Variants in MIS18A observed in about 807,000 individuals in gnomAD.
The protein encoded by MIS18A is MIS18 kinetochore protein A.
In MIS18A, 14 loss-of-function variants were observed where a neutral mutation model predicts 25.0. The ratio of observed to expected loss-of-function variants is 0.56; its 90% CI spans 0.37 to 0.88. The LOEUF (loss-of-function observed/expected upper bound fraction) is 0.88. Ranked by LOEUF, MIS18A falls within the 40% of genes least tolerant of loss-of-function variation. The pLI is 0.00. For synonymous variants in MIS18A, 134 were observed against 118.6 expected, an observed-to-expected ratio of 1.13 and a Z score of -0.84; for missense variants, 292 against 290.8, an observed-to-expected ratio of 1.00 and a Z score of -0.03.
chr21:32,162,323 C>A, the MIS18A span, among the ~76,000 whole-genome samples: 1 of 152,330 alleles, frequency 6.6e-6, no homozygotes, highest in East Asian at 1.9e-4. Flanking sequence ...CTACTCCAGG[C>A]ATGGGAAGCC....
At chr21:32,278,626 C>T in intron 1 of MIS18A, 55 bp downstream of exon 1, 3 of 1,437,052 alleles carry the variant, frequency 2.1e-6, no homozygotes, top group Non-Finnish European at 2.7e-6. Context: ...CCACGCGCGG[C>T]ACCCCTGGAA....
chr21:32,210,226 A>G, the MIS18A span, among the ~76,000 whole-genome samples: 59 of 152,350 alleles, frequency 3.9e-4, no homozygotes, highest in East Asian at 6.4e-3. Context: ...AATGGGAATA[A>G]TAATAATCTC....
chr21:32,210,647 C>A, the MIS18A span, among the ~76,000 whole-genome samples: 1 of 152,172 alleles, frequency 6.6e-6, no homozygotes, highest in Admixed American at 6.5e-5. Flanking sequence ...TCACTTGGAA[C>A]AGTGTCGGGG....
chr21:32,217,428 A>C, the MIS18A span, among the ~76,000 whole-genome samples: 3 of 152,220 alleles, frequency 2.0e-5, no homozygotes, highest in Non-Finnish European at 2.9e-5. Context: ...GATTGAGATT[A>C]TTCAGTCTGA....
the MIS18A span, among the ~76,000 whole-genome samples, chr21:32,205,946 G>A: frequency 3.7e-4 from 56 of 152,232 alleles, no homozygotes; most frequent in Middle Eastern, 0.01. Flanking sequence ...CATTCCAGTC[G>A]TTCTTGGGGT....
rs2031650633 is a variant in MIS18A, at chr21:32,268,695, A to G, written c.*342T>C. On this transcript the variant is annotated 3_prime_UTR_variant, in exon 5 of 5. Transcript: ENST00000290130. ...TCAAAATCAAAACTCCTAAGTCCCA[A>G]TTCCAACAAGTACCATAAAACGTCT... 1 of 171,008 alleles carries G rather than the reference A, an allele frequency of 5.8e-6. No homozygotes were observed. The highest frequency in any genetic ancestry group is 2.0e-4 in the South Asian group (1 of 5,012). The allele number at this position is 171,008 out of a possible 1,614,324, so 10.6% of individuals were successfully genotyped here. A position where few individuals can be genotyped will look rare whatever the true frequency, so the allele number is the denominator to read the frequency against.
chr21:32,206,929 C>A, the MIS18A span, among the ~76,000 whole-genome samples: 1 of 152,216 alleles, frequency 6.6e-6, no homozygotes, highest in Non-Finnish European at 1.5e-5. Flanking sequence ...AGAGGCTCTA[C>A]CCGTTCAGTT....
the MIS18A span, among the ~76,000 whole-genome samples, chr21:32,246,688 T>C: frequency 6.6e-6 from 1 of 152,158 alleles, no homozygotes; most frequent in Non-Finnish European, 1.5e-5. Flanking sequence ...ATCCTTCACT[T>C]TGTCACTGGA....
the MIS18A span, among the ~76,000 whole-genome samples, chr21:32,178,619 C>T: frequency 6.6e-6 from 1 of 152,220 alleles, no homozygotes; most frequent in South Asian, 2.1e-4. Context: ...TCTGTCATCA[C>T]TTAATAGGTC....
At chr21:32,173,518 T>C in the MIS18A span, among the ~76,000 whole-genome samples, 1 of 152,176 alleles carries the variant, frequency 6.6e-6, no homozygotes, top group Non-Finnish European at 1.5e-5. Flanking sequence ...ACATTTTTTA[T>C]AATAGCCAAA....
the MIS18A span, among the ~76,000 whole-genome samples, chr21:32,179,707 C>G: frequency 6.6e-6 from 1 of 152,154 alleles, no homozygotes; most frequent in African/African-American, 2.4e-5. Flanking sequence ...AAAGGAAATA[C>G]AAGCTTAAGG....
At chr21:32,259,823 T>G in the MIS18A span, 1 of 152,308 alleles carries the variant, frequency 6.6e-6, no homozygotes, top group East Asian at 1.9e-4. Flanking sequence ...GAAGAAAATC[T>G]TTAATACAAA....
At position 32,268,929 on chromosome 21, in the gene MIS18A, A is replaced by AT. The variant is rs57672040; in HGVS notation, c.*107dup. 220,978 of 726,296 alleles carry AT rather than the reference A, an allele frequency of 0.3. 26,222 individuals carry two copies. The highest frequency in any genetic ancestry group is 0.52 in the African/African-American group (26,801 of 51,632). 45.0% of individuals were successfully genotyped at this position (726,296 alleles called of 1,614,324 possible). A position where few individuals can be genotyped will look rare whatever the true frequency, so the allele number is the denominator to read the frequency against. On this transcript the variant is annotated 3_prime_UTR_variant, in exon 5 of 5. Coordinates refer to ENST00000290130, the MANE Select transcript of MIS18A (RefSeq NM_018944.3). Reference sequence around the variant, plus strand: ...CCTCAGCGTTTCGCATGCCTGGCTAATTTTTTTTTTCTTTTTTTTTTTGTA... The same window carrying AT: ...CCTCAGCGTTTCGCATGCCTGGCTAATTTTTTTTTTTCTTTTTTTTTTTGTA...
At chr21:32,171,166 A>G in the MIS18A span, among the ~76,000 whole-genome samples, 76,456 of 151,790 alleles carry the variant, frequency 0.5, 20,156 homozygotes, top group African/African-American at 0.65. Context: ...AATAAAATGT[A>G]TCCAGATTGA....
the MIS18A span, among the ~76,000 whole-genome samples, chr21:32,261,945 T>C: frequency 1.3e-5 from 2 of 152,228 alleles, no homozygotes; most frequent in Admixed American, 6.5e-5. Flanking sequence ...TCAGGATTTC[T>C]AAACCCTTCT....
the MIS18A span, among the ~76,000 whole-genome samples, chr21:32,241,369 A>T: frequency 1.7e-5 from 2 of 115,102 alleles, no homozygotes; most frequent in African/African-American, 7.2e-5. Flanking sequence ...AGCTGACAAT[A>T]AAAAAAAAAA....
the MIS18A span, among the ~76,000 whole-genome samples, chr21:32,257,931 G>A: frequency 2.6e-5 from 4 of 152,292 alleles, no homozygotes; most frequent in Non-Finnish European, 5.9e-5. Flanking sequence ...CAATGTTGTC[G>A]TCTAAATAAT....
the MIS18A span, among the ~76,000 whole-genome samples, chr21:32,193,282 A>T: frequency 1.5e-4 from 23 of 152,254 alleles, no homozygotes; most frequent in East Asian, 4.1e-3. Context: ...CACATCCTTA[A>T]GAGTTCATGG....
downstream of MIS18A, among the ~76,000 whole-genome samples, chr21:32,266,391 C>G: frequency 6.6e-6 from 1 of 152,188 alleles, no homozygotes; most frequent in Admixed American, 6.5e-5. Context: ...GCTGCCCGAG[C>G]CAGCATTGGC....
Sources: allele counts gnomAD v4.1 joint callset (sites outside exome capture counted in the v4.1 genomes callset), GRCh38; gene constraint gnomAD v4.1.1; transcripts MANE v1.5; gene names NCBI Gene and HGNC (gene_info 2026-07-23, HGNC 2026-07-21).